Variants in MTURN observed in about 807,000 individuals in gnomAD.
MTURN encodes the protein maturin.
Under a neutral mutation model 14.9 loss-of-function variants are expected in MTURN, and 7 were observed. The observed-to-expected ratio is 0.47, with a 90% CI of 0.27 to 0.88. The LOEUF is 0.88. Ranked by LOEUF, MTURN falls within the 40% of genes least tolerant of loss-of-function variation. The probability of loss-of-function intolerance (pLI) is 0.14; values close to 1 mark genes in which losing one functional copy is unlikely to be tolerated. For missense variants in MTURN, 151 were observed against 174.1 expected, an observed-to-expected ratio of 0.87 and a Z score of 0.75; for synonymous variants, 69 against 72.5, an observed-to-expected ratio of 0.95 and a Z score of 0.25.
At position 30,161,924 on chromosome 7, in the gene MTURN, G is replaced by A. The variant is rs2128035632; in HGVS notation, c.*4376G>A. ...TGCCAGAATGCTGGTAGCCTGTGGT[G>A]TCCATGGCAATGGGTGTCCATGGTA... is the stretch of plus-strand genomic sequence containing the variant. On this transcript the variant is annotated 3_prime_UTR_variant, in exon 3 of 3. Transcript: ENST00000324453. The A allele has an allele frequency of 6.6e-6, 1 of 152,210 alleles. No homozygotes were observed. The highest frequency in any genetic ancestry group is 2.1e-4 in the South Asian group (1 of 4,824). The allele number at this position is 152,210 out of a possible 1,614,324, so 9.4% of individuals were successfully genotyped here. A position where few individuals can be genotyped will look rare whatever the true frequency, so the allele number is the denominator to read the frequency against.
rs1480607061 is a variant in MTURN at position 30,134,989 on chromosome 7, C to A, written c.-148C>A. ...GTCCCCGGCCGCCGCCCGCCCCACT[C>A]CGCACCGCATGTAAACAGTCCCAGC... is the stretch of plus-strand genomic sequence containing the variant. On this transcript the variant is annotated 5_prime_UTR_variant, in exon 1 of 3. Coordinates refer to ENST00000324453, the MANE Select transcript of MTURN (RefSeq NM_152793.3). The A allele has an allele frequency of 7.1e-5, 40 of 565,948 alleles. No individual in the cohort carries two copies. The African/African-American group carries it at 7.2e-4, about 10-fold the overall frequency. 35.1% of individuals were successfully genotyped at this position (565,948 alleles called of 1,614,324 possible).
intron 2 of MTURN, among the ~76,000 whole-genome samples, chr7:30,147,950 A>C (rs1013556212): frequency 2.0e-5 from 3 of 152,240 alleles, no homozygotes; most frequent in Admixed American, 6.5e-5. Flanking sequence ...TTGGGTACCC[A>C]CTGGGTACAT....
intron 1 of MTURN, among the ~76,000 whole-genome samples, chr7:30,140,525 G>A (rs1475787039): frequency 2.6e-5 from 4 of 151,796 alleles, no homozygotes; most frequent in Non-Finnish European, 5.9e-5. Context: ...ATTGAGTCCC[G>A]CTTATGTGCT....
intron 2 of MTURN, among the ~76,000 whole-genome samples, chr7:30,153,621 A>G (rs966031033): frequency 6.6e-5 from 10 of 152,224 alleles, no homozygotes; most frequent in African/African-American, 2.4e-4. Context: ...GGACAATAAA[A>G]GTGTCCAACA....
In MTURN at chr7:30,161,754, A is replaced by G. The variant is rs1797377586; in HGVS notation, c.*4206A>G. ...AAAGAGATGCCATTGCTGATCACCC[A>G]GTCTTCGGAGAAGCCTAAAATTTCT... On this transcript the variant is annotated 3_prime_UTR_variant, in exon 3 of 3. Transcript: ENST00000324453. 2 of 152,256 alleles carry G rather than the reference A, an allele frequency of 1.3e-5. No homozygotes were observed. 9.4% of individuals were successfully genotyped at this position (152,256 alleles called of 1,614,324 possible).
At chr7:30,135,573 T>C (rs111733700) in intron 1 of MTURN, among the ~76,000 whole-genome samples, 43,835 of 151,764 alleles carry the variant, frequency 0.29, 7,020 homozygotes, top group African/African-American at 0.43. Context: ...TAAAGGCCAC[T>C]CCTCTCCCCG....
intron 1 of MTURN, among the ~76,000 whole-genome samples, chr7:30,143,178 G>A (rs779269562): frequency 3.9e-5 from 6 of 152,200 alleles, no homozygotes; most frequent in Admixed American, 1.3e-4. Flanking sequence ...TGAAGAGCAC[G>A]TCTGTTTTAT....
At chr7:30,157,306 G>A in intron 2 of MTURN, 132 bp from the exon 3 acceptor site, 1 of 573,292 alleles carries the variant, frequency 1.7e-6, no homozygotes, top group Non-Finnish European at 2.9e-6. Flanking sequence ...ATCATTGTAG[G>A]GGTGGTTGAC....
chr7:30,146,642 G>T (rs1166910062), intron 2 of MTURN, among the ~76,000 whole-genome samples: 1 of 152,200 alleles, frequency 6.6e-6, no homozygotes, highest in Non-Finnish European at 1.5e-5. Flanking sequence ...AAGCCCAATG[G>T]AGGTTCTTTT....
chr7:30,155,050 G>A (rs976785089), intron 2 of MTURN, among the ~76,000 whole-genome samples: 4 of 152,152 alleles, frequency 2.6e-5, no homozygotes, highest in Admixed American at 1.3e-4. Flanking sequence ...GAACAGAATC[G>A]CCCATGGTAC....
intron 2 of MTURN, among the ~76,000 whole-genome samples, chr7:30,150,084 CCT>C (rs1480912496): frequency 3.0e-4 from 45 of 152,188 alleles, no homozygotes; most frequent in African/African-American, 1.0e-3. Flanking sequence ...AGTTACTTAA[CCT>C]CTCTGTTTCT....
chr7:30,137,058 T>C (rs111529567), intron 1 of MTURN, among the ~76,000 whole-genome samples: 18 of 152,228 alleles, frequency 1.2e-4, no homozygotes, highest in African/African-American at 3.9e-4. Flanking sequence ...AGTAAATAAG[T>C]GTTCTTTTTG....
rs1325532010 is a variant in MTURN at position 30,135,072 on chromosome 7, G to T, written c.-65G>T. 6 of 1,240,998 alleles carry T rather than the reference G, an allele frequency of 4.8e-6. No individual in the cohort carries two copies. The East Asian group carries it at 1.8e-4, about 36-fold the overall frequency. The allele number at this position is 1,240,998 out of a possible 1,614,324, so 76.9% of individuals were successfully genotyped here. On this transcript the variant is annotated 5_prime_UTR_variant, in exon 1 of 3. Coordinates refer to ENST00000324453, the MANE Select transcript of MTURN (RefSeq NM_152793.3). ...GGCCGAGCCGAGCGCCGCGCTGCCC[G>T]CCCGGGAGGAGGGCGCCTAGGAGCG...
intron 1 of MTURN, among the ~76,000 whole-genome samples, chr7:30,137,957 C>T (rs1361105037): frequency 6.6e-6 from 1 of 152,138 alleles, no homozygotes; most frequent in East Asian, 1.9e-4. Context: ...AATAGGGTCT[C>T]TGCCTTCATG....
At chr7:30,136,960 A>G (rs1796973488) in intron 1 of MTURN, among the ~76,000 whole-genome samples, 1 of 152,348 alleles carries the variant, frequency 6.6e-6, no homozygotes, top group Admixed American at 6.5e-5. Context: ...TCCCACCTGT[A>G]AAATGGGGCT....
intron 2 of MTURN, among the ~76,000 whole-genome samples, chr7:30,149,732 A>G (rs17547430): frequency 0.068 from 10,374 of 152,248 alleles, 397 homozygotes; most frequent in Admixed American, 0.097. Context: ...CGCTTACCCA[A>G]ATGCTACAGG....
intron 2 of MTURN, among the ~76,000 whole-genome samples, chr7:30,147,831 A>C (rs1403072421): frequency 6.6e-6 from 1 of 152,118 alleles, no homozygotes; most frequent in Non-Finnish European, 1.5e-5. Context: ...AAACCACTGA[A>C]ATCCCTTTTT....
At chr7:30,144,169 A>G (rs921011435) in intron 1 of MTURN, among the ~76,000 whole-genome samples, 1 of 152,232 alleles carries the variant, frequency 6.6e-6, no homozygotes, top group African/African-American at 2.4e-5. Context: ...TATTCACTGC[A>G]TGTCAGCTAG....
chr7:30,157,266 T>C (rs971667521), intron 2 of MTURN, among the ~76,000 whole-genome samples, 172 bp from the exon 3 acceptor site: 6 of 152,240 alleles, frequency 3.9e-5, no homozygotes, highest in Non-Finnish European at 7.3e-5. Flanking sequence ...CATTGAAAGA[T>C]TGACATTTCC....
Sources: allele counts gnomAD v4.1 joint callset (sites outside exome capture counted in the v4.1 genomes callset), GRCh38; gene constraint gnomAD v4.1.1; transcripts MANE v1.5; gene names NCBI Gene and HGNC (gene_info 2026-07-23, HGNC 2026-07-21).